The following RADIL variants were observed in gnomAD, a reference collection of about 807,000 sequenced individuals.
RADIL encodes ras-associating and dilute domain-containing protein.
RADIL carries 99 observed loss-of-function variants against 97.6 expected under a neutral mutation model. That is an observed-to-expected ratio of 1.01 (90% CI 0.86 to 1.20). The LOEUF (loss-of-function observed/expected upper bound fraction) is 1.20, where lower values mean the gene tolerates loss of function less well. Ranked by LOEUF, RADIL falls within the 50% of genes most tolerant of loss-of-function variation. The pLI, the probability that RADIL is intolerant of heterozygous loss-of-function variation, is 0.00. For synonymous variants in RADIL, 803 were observed against 691.8 expected, an observed-to-expected ratio of 1.16 and a Z score of -2.52; for missense variants, 1,765 against 1,498.9, an observed-to-expected ratio of 1.18 and a Z score of -2.93.
rs948363810 is a variant in RADIL at position 4,810,141 on chromosome 7, C to T, written c.2140-4425G>A. 2.0e-5 allele frequency among the ~76,000 whole-genome samples: 3 copies of T among 151,274 alleles called. No individual in the cohort carries two copies. The East Asian group carries it at 5.9e-4, about 30-fold the overall frequency. On this transcript the variant is annotated intron_variant, in intron 9 of 14. Transcript: ENST00000399583. ...GTGCTGGGATTACAGGCGTCAGCCACCATGCCCGGCCTTATTTATTTTCTT... is the reference window on the plus strand; with the variant it reads ...GTGCTGGGATTACAGGCGTCAGCCATCATGCCCGGCCTTATTTATTTTCTT...
rs1781994211 is a variant in RADIL, at chr7:4,799,228, G to A, written c.*150C>T. ...ATATAAATAGAACCTACACTGAGAT[G>A]CATGTTATCAACAGGCATGTCCCCA... is the stretch of plus-strand genomic sequence containing the variant. On this transcript the variant is annotated 3_prime_UTR_variant, in exon 15 of 15. Coordinates refer to ENST00000399583, the MANE Select transcript of RADIL (RefSeq NM_018059.5). 8 of 633,934 alleles carry A rather than the reference G, an allele frequency of 1.3e-5. No individual in the cohort carries two copies. Among genetic ancestry groups the A allele is most frequent in the Non-Finnish European group, 2.0e-5 (7 of 357,566 alleles). The allele number at this position is 633,934 out of a possible 1,614,324, so 39.3% of individuals were successfully genotyped here.
intron 2 of RADIL, among the ~76,000 whole-genome samples, chr7:4,864,979 G>A (rs866017197): frequency 7.9e-5 from 12 of 152,080 alleles, no homozygotes; most frequent in East Asian, 3.9e-4. Flanking sequence ...CTGTCTAGCC[G>A]CACCTTCTGC....
chr7:4,848,682 T>C (rs1562448987), intron 2 of RADIL, among the ~76,000 whole-genome samples: 1 of 151,682 alleles, frequency 6.6e-6, no homozygotes, highest in South Asian at 2.1e-4. Flanking sequence ...ATTATTAATT[T>C]AAAAAAAAAC....
chr7:4,855,725 T>TC (rs780119130), intron 2 of RADIL, among the ~76,000 whole-genome samples: 9 of 151,912 alleles, frequency 5.9e-5, no homozygotes, highest in Non-Finnish European at 1.2e-4. Flanking sequence ...TATTGGCCGT[T>TC]CCTAGCTCCT....
chr7:4,803,736 T>A lies in RADIL; in HGVS notation c.2309A>T (p.Tyr770Phe). 1.9e-6 allele frequency: 3 copies of A among 1,564,854 alleles called. No individual in the cohort carries two copies. The highest frequency in any genetic ancestry group is 1.2e-5 in the South Asian group (1 of 84,910). Residue 770 changes from tyrosine to phenylalanine, a missense_variant, in exon 11 of 15, where the codon TAC becomes TTC. Transcript: ENST00000399583. ...AFRSEDVLES[Y>F]ENPPPIVLPS... ...CAGGACGATGGGTGGGGGGTTTTCG[T>A]AGGACTCCAGAACATCCTCTGCAGG...
At chr7:4,802,197 G>A (rs1246460581) in intron 11 of RADIL, among the ~76,000 whole-genome samples, 1 of 152,208 alleles carries the variant, frequency 6.6e-6, no homozygotes, top group Non-Finnish European at 1.5e-5. Flanking sequence ...CGCTGGGCCA[G>A]GACTCCCGGG....
In RADIL at chr7:4,800,104, G is replaced by C; in HGVS notation, c.2982+67C>G. The stretch of plus-strand genomic sequence containing the variant: ...CACGTGGCCACGCAAGCTGCGGCCA[G>C]GCTTGCATGAACAGGCGGGGCCAGG... On this transcript the variant is annotated intron_variant, in intron 13 of 14. Coordinates refer to ENST00000399583, the MANE Select transcript of RADIL (RefSeq NM_018059.5). 1.9e-6 allele frequency: 3 copies of C among 1,545,458 alleles called. 1 individual carries two copies. The highest frequency in any genetic ancestry group is 2.4e-5 in the South Asian group (2 of 81,924).
chr7:4,817,116 A>T lies in RADIL; in HGVS notation c.1728+123T>A. The T allele has an allele frequency of 2.6e-6, 2 of 783,098 alleles. No individual in the cohort carries two copies. Among genetic ancestry groups the T allele is most frequent in the Non-Finnish European group, 2.1e-6 (1 of 483,946 alleles). 48.5% of individuals were successfully genotyped at this position (783,098 alleles called of 1,614,324 possible). A position where few individuals can be genotyped will look rare whatever the true frequency, so the allele number is the denominator to read the frequency against. ...CAGCCACTGCTCCCTGATGAAGTGG[A>T]GCTTGTCACGGTCCCCTCCCTCAGC... On this transcript the variant is annotated intron_variant, in intron 7 of 14. Coordinates refer to ENST00000399583, the MANE Select transcript of RADIL (RefSeq NM_018059.5). The surrounding 1 kb of genome is among the most constrained non-coding windows in gnomAD (Gnocchi z 8.3).
At chr7:4,862,699 G>C (rs1322709576) in intron 2 of RADIL, among the ~76,000 whole-genome samples, 2 of 151,308 alleles carry the variant, frequency 1.3e-5, no homozygotes, top group African/African-American at 2.4e-5. Context: ...TCAGGAGTTG[G>C]AGACCAGCCT....
At chr7:4,850,238 A>AT (rs869089899) in intron 2 of RADIL, among the ~76,000 whole-genome samples, 1 of 148,238 alleles carries the variant, frequency 6.7e-6, no homozygotes. Flanking sequence ...AAAAAAAAAA[A>AT]CCTTTGACAG....
rs563581768 is a variant in RADIL, at chr7:4,821,356, G to A, written c.1615+1038C>T. Among the ~76,000 whole-genome samples the A allele has an allele frequency of 1.4e-4, 21 of 152,180 alleles. No individual in the cohort carries two copies. Among genetic ancestry groups the A allele is most frequent in the Admixed American group, 3.9e-4 (6 of 15,276 alleles). ...GGTCTGGCCCCCAGTTCCCTGGGCCGGCTCCTCACTTCCGCAGCACAGCAG... is the reference window on the plus strand; with the variant it reads ...GGTCTGGCCCCCAGTTCCCTGGGCCAGCTCCTCACTTCCGCAGCACAGCAG... On this transcript the variant is annotated intron_variant, in intron 6 of 14. Coordinates refer to ENST00000399583, the MANE Select transcript of RADIL (RefSeq NM_018059.5). This position sits in a 1 kb window ranked among gnomAD's most constrained non-coding sequence, Gnocchi z 5.2.
Position 4,835,217 on chromosome 7 carries a change from T to A in RADIL, c.806A>T (p.Asn269Ile), listed in dbSNP as rs773793661. 14 of 1,610,836 alleles carry A rather than the reference T, an allele frequency of 8.7e-6. No homozygotes were observed. Among genetic ancestry groups the A allele is most frequent in the Non-Finnish European group, 1.2e-5 (14 of 1,179,848 alleles). ...QQHDSLVYVL[N>I]RDRHTVGQRT... ...CTGGCCCACCGTGTGCCGGTCCCGGTTGAGCACATACACCAGGCTGTCCTG... is the reference window on the plus strand; with the variant it reads ...CTGGCCCACCGTGTGCCGGTCCCGGATGAGCACATACACCAGGCTGTCCTG... Residue 269 changes from asparagine to isoleucine, a missense_variant, in exon 4 of 15, where the codon AAC becomes ATC. By Grantham distance (149) the Asn-to-Ile change is moderately radical. Coordinates refer to ENST00000399583, the MANE Select transcript of RADIL (RefSeq NM_018059.5). The surrounding 1 kb of genome is among the most constrained non-coding windows in gnomAD (Gnocchi z 5.8).
chr7:4,826,732 CAAAAAAAAAAAACA>C (rs1782992120), intron 5 of RADIL, among the ~76,000 whole-genome samples: 2 of 85,580 alleles, frequency 2.3e-5, no homozygotes, highest in African/African-American at 7.1e-5. Flanking sequence ...GACTCCGTCT[CAAAAAAAAAAAACA>C]AAAAAAAAAA....
chr7:4,822,558 C>CT lies in RADIL; in HGVS notation c.1455-5_1455-4insA. 6.2e-7 allele frequency: 1 copy of CT among 1,612,276 alleles called. No homozygotes were observed. The highest frequency in any genetic ancestry group is 8.5e-7 in the Non-Finnish European group (1 of 1,179,664). On this transcript the variant is annotated splice_polypyrimidine_tract_variant and splice_region_variant and intron_variant, in intron 5 of 14. Coordinates refer to ENST00000399583, the MANE Select transcript of RADIL (RefSeq NM_018059.5). The surrounding 1 kb of genome is among the most constrained non-coding windows in gnomAD (Gnocchi z 5.3). ...GGCCAGCGAGATGGGCTCCTGGCTA[C>CT]CAAGACAGAAAGACTAAGAGTTACG...
intron 2 of RADIL, among the ~76,000 whole-genome samples, chr7:4,864,870 G>A (rs922730404): frequency 6.6e-6 from 1 of 152,056 alleles, no homozygotes; most frequent in African/African-American, 2.4e-5. Flanking sequence ...CTCTACCTAG[G>A]AGCCAGAGTC....
intron 2 of RADIL, among the ~76,000 whole-genome samples, chr7:4,853,777 T>C (rs1783764712): frequency 6.7e-6 from 1 of 149,972 alleles, no homozygotes; most frequent in African/African-American, 2.5e-5. Flanking sequence ...TGGGTGTACA[T>C]GGAAAGTTAT....
chr7:4,800,073 T>A, intron 13 of RADIL, 98 bp downstream of exon 13: 1 of 1,434,340 alleles, frequency 7.0e-7, no homozygotes, highest in Non-Finnish European at 9.3e-7. Flanking sequence ...AAGGCCTTCC[T>A]GTAGCCACGT....
At chr7:4,829,219 C>G (rs1783075528) in intron 5 of RADIL, among the ~76,000 whole-genome samples, 1 of 152,244 alleles carries the variant, frequency 6.6e-6, no homozygotes, top group Non-Finnish European at 1.5e-5. Flanking sequence ...CCCTTCGATG[C>G]TATCCGGGGC....
intron 9 of RADIL, among the ~76,000 whole-genome samples, chr7:4,807,841 TCTCTCTCTCCCCTCCCTGC>T (rs1319889728): frequency 8.7e-5 from 3 of 34,554 alleles, no homozygotes; most frequent in African/African-American, 4.5e-4. Context: ...TCTCTCTCCC[TCTCTCTCTCCCCTCCCTGC>T]CTCTCTCTCC....
Sources: gnomAD v4.1 joint callset for allele counts (sites outside exome capture counted in the v4.1 genomes callset) on GRCh38, gnomAD v4.1.1 for gene constraint, Gnocchi (gnomAD v3.1) non-coding constraint, MANE v1.5 for transcripts, NCBI Gene and HGNC (gene_info 2026-07-23, HGNC 2026-07-21) for gene names.